ROCK2: variants seen among roughly 807,000 people sequenced by gnomAD.
The protein encoded by ROCK2 is rho-associated protein kinase 2.
Under a neutral mutation model 195.1 loss-of-function variants are expected in ROCK2, and 61 were observed. The observed-to-expected ratio is 0.31, with a 90% CI of 0.25 to 0.39. The LOEUF is 0.39. ROCK2 is among the 10% of genes least tolerant of loss of function. The pLI, the probability that ROCK2 is intolerant of heterozygous loss-of-function variation, is 1.00. For missense variants in ROCK2, 1,109 were observed against 1,637.4 expected, an observed-to-expected ratio of 0.68 and a Z score of 5.57; for synonymous variants, 504 against 545.5, an observed-to-expected ratio of 0.92 and a Z score of 1.06.
intron 6 of ROCK2, among the ~76,000 whole-genome samples, chr2:11,225,139 T>A (rs1056424115): frequency 6.6e-6 from 1 of 152,180 alleles, no homozygotes; most frequent in African/African-American, 2.4e-5. Flanking sequence ...TAGCTAGAGT[T>A]GAAAGAGGGA....
Position 11,237,554 on chromosome 2 carries a change from T to C in ROCK2, c.463-1592A>G, listed in dbSNP as rs142348871. On this transcript the variant is annotated intron_variant, in intron 4 of 32. Transcript: ENST00000315872. ...TTTCAGAAATCCAAGAGAAAAATCC[T>C]GTTTCCAAAAAATGCCATATACACA... is the stretch of plus-strand genomic sequence containing the variant. 6.9e-3 allele frequency among the ~76,000 whole-genome samples: 1,049 copies of C among 152,344 alleles called. 5 individuals carry two copies. The highest frequency in any genetic ancestry group is 0.044 in the Middle Eastern group (13 of 294).
At chr2:11,234,066 T>C (rs982892042) in intron 5 of ROCK2, 2 of 151,958 alleles carry the variant, frequency 1.3e-5, no homozygotes, top group African/African-American at 2.4e-5. Context: ...AAGCATAACA[T>C]GCAAATTCTT....
intron 1 of ROCK2, among the ~76,000 whole-genome samples, chr2:11,317,602 ATATATATATATTT>A (rs1227481324): frequency 1.8e-4 from 3 of 16,506 alleles, no homozygotes; most frequent in Admixed American, 6.9e-4. Context: ...ATATATATAT[ATATATATATATTT>A]TTTTTTTTTT....
chr2:11,261,185 C>A (rs192487953), intron 3 of ROCK2, among the ~76,000 whole-genome samples: 5 of 152,268 alleles, frequency 3.3e-5, no homozygotes, highest in Admixed American at 3.3e-4. Context: ...GAGCTGGGAA[C>A]CATCAGCTTG....
chr2:11,274,162 G>C (rs1370585989), intron 3 of ROCK2, among the ~76,000 whole-genome samples: 1 of 151,646 alleles, frequency 6.6e-6, no homozygotes, highest in East Asian at 1.9e-4. Flanking sequence ...AAACGAGAAT[G>C]ATCTGAAATT....
chr2:11,202,389 G>A (rs1663888820), intron 20 of ROCK2, among the ~76,000 whole-genome samples: 1 of 151,822 alleles, frequency 6.6e-6, no homozygotes, highest in South Asian at 2.1e-4. Context: ...GTGTTCCTGT[G>A]TTTTAAAGTT....
Position 11,207,859 on chromosome 2 carries a change from T to C in ROCK2, c.2416A>G (p.Thr806Ala). The change falls in exon 20 of 33, where the codon ACA (threonine) becomes GCA (alanine). Residue 806 changes from threonine to alanine, a missense_variant. Physicochemically the swap from Thr to Ala is moderately conservative, Grantham distance 58. Coordinates refer to ENST00000315872, the MANE Select transcript of ROCK2 (RefSeq NM_004850.5). Reference protein sequence around the residue: ...IEQETQKRCLTQNDLKMQTQQ... With the variant: ...IEQETQKRCLAQNDLKMQTQQ... ...GTTTGCATCTTCAGGTCATTTTGTG[T>C]AAGGCAGCGCTTCTGAGTTTCTTGC... The C allele has an allele frequency of 6.2e-7, 1 of 1,607,742 alleles. No homozygotes were observed. The highest frequency in any genetic ancestry group is 8.5e-7 in the Non-Finnish European group (1 of 1,176,268).
At position 11,221,262 on chromosome 2, in the gene ROCK2, T is replaced by C. The variant is rs375372605; in HGVS notation, c.1195A>G (p.Ile399Val). ...DDKGDVETFPIPKAFVGNQLP... is the reference protein window; with the variant it reads ...DDKGDVETFPVPKAFVGNQLP... ...TGATTTCCAACAAAAGCTTTAGGAA[T>C]TGGGAAGGTTTCTACATCTCCTTTG... The change falls in exon 9 of 33, where the codon ATT becomes GTT. Residue 399 changes from isoleucine to valine, a missense_variant. Coordinates refer to ENST00000315872, the MANE Select transcript of ROCK2 (RefSeq NM_004850.5). The C allele has an allele frequency of 1.2e-5, 19 of 1,591,070 alleles. No homozygotes were observed. In the Admixed American group the frequency reaches 1.4e-4, roughly 12 times the overall value.
rs1224550675 is a variant in ROCK2, at chr2:11,197,350, T to C, written c.3280-2A>G. The C allele has an allele frequency of 6.2e-7, 1 of 1,609,426 alleles. No homozygotes were observed. ...AATCTGGCTCTCTTCAGCTATTTGC[T>C]ATAAGAAATTTAATTACAATAAGTT... On this transcript the variant is annotated splice_acceptor_variant, in intron 26 of 32. Transcript: ENST00000315872. LOFTEE classifies it high-confidence loss of function. This position sits in a 1 kb window ranked among gnomAD's most constrained non-coding sequence, Gnocchi z 4.9.
At chr2:11,322,206 C>T (rs889845619) in intron 1 of ROCK2, among the ~76,000 whole-genome samples, 3 of 152,012 alleles carry the variant, frequency 2.0e-5, no homozygotes, top group Admixed American at 6.6e-5. Context: ...ACAAAACAAA[C>T]AATGGTCAAT....
intron 1 of ROCK2, among the ~76,000 whole-genome samples, chr2:11,317,598 ATATATATATATATATTT>A (rs1423945440): frequency 1.3e-4 from 2 of 15,772 alleles, no homozygotes; most frequent in African/African-American, 2.0e-4. Context: ...ATATATATAT[ATATATATATATATATTT>A]TTTTTTTTTT....
chr2:11,252,609 T>C (rs1471809872), intron 3 of ROCK2, among the ~76,000 whole-genome samples: 1 of 152,110 alleles, frequency 6.6e-6, no homozygotes. Flanking sequence ...CACCATGGAA[T>C]ACTATGCAGC....
intron 1 of ROCK2, among the ~76,000 whole-genome samples, chr2:11,336,560 C>T (rs1053027373): frequency 3.3e-5 from 5 of 151,910 alleles, no homozygotes; most frequent in Middle Eastern, 3.2e-3. Context: ...CAAGAAATGA[C>T]TTTTGAATTG....
At position 11,330,529 on chromosome 2, in the gene ROCK2, T is replaced by C. The variant is rs1572416514; in HGVS notation, c.141+13467A>G. ...CATTTTTCACTAGATCTTGTAGGCA[T>C]CAAAGCTCATGACAACTGTGCTAAT... On this transcript the variant is annotated intron_variant, in intron 1 of 32. Transcript: ENST00000315872. Among the ~76,000 whole-genome samples the C allele has an allele frequency of 2.6e-5, 4 of 152,298 alleles. No homozygotes were observed. The East Asian group carries it at 7.7e-4, about 29-fold the overall frequency.
chr2:11,205,598 T>C (rs936039919), intron 20 of ROCK2, among the ~76,000 whole-genome samples: 1 of 68,706 alleles, frequency 1.5e-5, no homozygotes, highest in African/African-American at 4.9e-5. Context: ...ATTGCATGTA[T>C]TTTTTTTTTT....
At position 11,344,486 on chromosome 2, in the gene ROCK2, C is replaced by G. The variant is rs1419224823; in HGVS notation, c.-350G>C. 7 of 994,636 alleles carry G rather than the reference C, an allele frequency of 7.0e-6. No homozygotes were observed. The African/African-American group carries it at 1.2e-4, about 17-fold the overall frequency. 61.6% of individuals were successfully genotyped at this position (994,636 alleles called of 1,614,324 possible). A position where few individuals can be genotyped will look rare whatever the true frequency, so the allele number is the denominator to read the frequency against. ...AAGTGGCGCCGCCACCGCCGCGGCC[C>G]GGACCGCCCCGCCCTCTGGGGCCCC... On this transcript the variant is annotated 5_prime_UTR_variant, in exon 1 of 33. Transcript: ENST00000315872. The surrounding 1 kb of genome is among the most constrained non-coding windows in gnomAD (Gnocchi z 5.4).
chr2:11,339,930 T>C (rs1411701770), intron 1 of ROCK2, among the ~76,000 whole-genome samples: 1 of 152,218 alleles, frequency 6.6e-6, no homozygotes, highest in Non-Finnish European at 1.5e-5. Flanking sequence ...TGAATATGTT[T>C]TTACGCTTCG....
At chr2:11,310,511 C>T (rs934807927) in intron 1 of ROCK2, among the ~76,000 whole-genome samples, 2 of 152,040 alleles carry the variant, frequency 1.3e-5, no homozygotes, top group African/African-American at 2.4e-5. Flanking sequence ...AGATAAATTC[C>T]GAATATGAAC....
intron 3 of ROCK2, among the ~76,000 whole-genome samples, chr2:11,273,465 A>G (rs1412029498): frequency 6.6e-6 from 1 of 152,242 alleles, no homozygotes; most frequent in Non-Finnish European, 1.5e-5. Context: ...GCAATTACAA[A>G]CATTTATAGA....
Sources: gnomAD v4.1 joint callset for allele counts (sites outside exome capture counted in the v4.1 genomes callset) on GRCh38, gnomAD v4.1.1 for gene constraint, Gnocchi (gnomAD v3.1) non-coding constraint, MANE v1.5 for transcripts, NCBI Gene and HGNC (gene_info 2026-07-23, HGNC 2026-07-21) for gene names.